ATP13A4: variants seen among roughly 807,000 people sequenced by gnomAD.
ATP13A4 encodes ATPase 13A4.
Under a neutral mutation model 142.5 loss-of-function variants are expected in ATP13A4, and 114 were observed. That is an observed-to-expected ratio of 0.80 (90% confidence interval 0.69 to 0.93). The LOEUF (loss-of-function observed/expected upper bound fraction) is 0.93, where lower values mean the gene tolerates loss of function less well. Among genes scored for constraint, ATP13A4 ranks in the 40% least tolerant of loss-of-function variants. The pLI, the probability that ATP13A4 is intolerant of heterozygous loss-of-function variation, is 0.00. For synonymous variants in ATP13A4, 488 were observed against 514.8 expected, an observed-to-expected ratio of 0.95 and a Z score of 0.70; for missense variants, 1,392 against 1,454.0, an observed-to-expected ratio of 0.96 and a Z score of 0.69.
chr3:193,483,282 G>T lies in ATP13A4; in HGVS notation c.808+654C>A, dbSNP rs183505970. 1.2e-3 allele frequency among the ~76,000 whole-genome samples: 175 copies of T among 152,100 alleles called. 1 individual carries two copies. Among genetic ancestry groups the T allele is most frequent in the African/African-American group, 3.8e-3 (159 of 41,502 alleles). On this transcript the variant is annotated intron_variant, in intron 8 of 29. Coordinates refer to ENST00000342695, the MANE Select transcript of ATP13A4 (RefSeq NM_032279.4). ...GGGGGAGTTGGGAGGAAGCGGGAGA[G>T]AAAAAAACTAGAAACAGGAACAAGG...
chr3:193,531,867 T>C (rs1722357660), intron 1 of ATP13A4, among the ~76,000 whole-genome samples: 1 of 151,998 alleles, frequency 6.6e-6, no homozygotes, highest in Admixed American at 6.6e-5. Flanking sequence ...AAAGCTGGAG[T>C]CTCCCACATA....
At chr3:193,404,720 G>A (rs1378403647) in intron 29 of ATP13A4, among the ~76,000 whole-genome samples, 2 of 151,922 alleles carry the variant, frequency 1.3e-5, no homozygotes, top group Non-Finnish European at 1.5e-5. Flanking sequence ...CATGCTTCTG[G>A]TACAGCCTGC....
intron 7 of ATP13A4, among the ~76,000 whole-genome samples, chr3:193,488,474 G>T (rs12629835): frequency 6.6e-6 from 1 of 152,004 alleles, no homozygotes; most frequent in African/African-American, 2.4e-5. Context: ...TCTTTTGTTC[G>T]GTTTGAATTT....
At chr3:193,570,398 G>A (rs951868716) in intron 2 of ATP13A4, among the ~76,000 whole-genome samples, 3 of 152,192 alleles carry the variant, frequency 2.0e-5, no homozygotes, top group African/African-American at 7.2e-5. Context: ...ATGATTTATA[G>A]GTTATTTCTT....
chr3:193,411,283 T>C (rs571132381), intron 27 of ATP13A4, among the ~76,000 whole-genome samples: 1 of 152,188 alleles, frequency 6.6e-6, no homozygotes, highest in African/African-American at 2.4e-5. Flanking sequence ...CACATGCACA[T>C]TTTAAGTTTC....
intron 8 of ATP13A4, among the ~76,000 whole-genome samples, chr3:193,474,252 G>C (rs1318845845): frequency 7.0e-6 from 1 of 143,132 alleles, no homozygotes; most frequent in African/African-American, 2.6e-5. Context: ...CCAGGAAGCA[G>C]AGGTTGCAGT....
chr3:193,488,416 C>A (rs1014353458), intron 7 of ATP13A4, among the ~76,000 whole-genome samples: 4 of 152,118 alleles, frequency 2.6e-5, no homozygotes, highest in African/African-American at 9.7e-5. Context: ...AGGACCTGAA[C>A]ACTGGGAAGT....
intron 2 of ATP13A4, among the ~76,000 whole-genome samples, chr3:193,504,624 C>A (rs1309822155): frequency 1.3e-5 from 2 of 152,158 alleles, no homozygotes; most frequent in African/African-American, 4.8e-5. Context: ...TCCCCTCTAA[C>A]CTTCCACTTT....
At chr3:193,582,068 T>C (rs1724557347) in intron 1 of ATP13A4, among the ~76,000 whole-genome samples, 1 of 149,018 alleles carries the variant, frequency 6.7e-6, no homozygotes, top group Non-Finnish European at 1.5e-5. Flanking sequence ...ATTACTAAAA[T>C]ACCTGAAAAG....
rs71179308 is a variant in ATP13A4 at position 193,541,248 on chromosome 3, C to CAAAAAAAAAAAAAAAAAAAAAAAAAA, written c.60+13491_60+13492insTTTTTTTTTTTTTTTTTTTTTTTTTT. 3.1e-4 allele frequency among the ~76,000 whole-genome samples: 16 copies of CAAAAAAAAAAAAAAAAAAAAAAAAAA among 51,284 alleles called. 1 individual carries two copies. The highest frequency in any genetic ancestry group is 6.2e-4 in the Admixed American group (3 of 4,834). The allele number at this position is 51,284 out of a possible 152,430, so 33.6% of individuals were successfully genotyped here. ...TGGGCGACAGAGCGAGACTCCTTCTCAAAAAAAAAAAAAAAAAAAAAATCA... is the reference window on the plus strand; with the variant it reads ...TGGGCGACAGAGCGAGACTCCTTCTCAAAAAAAAAAAAAAAAAAAAAAAAAAAAAAAAAAAAAAAAAAAAAAAATCA... On this transcript the variant is annotated intron_variant, in intron 1 of 29. Transcript: ENST00000342695.
chr3:193,419,752 C>T (rs1391881616), intron 25 of ATP13A4, among the ~76,000 whole-genome samples: 3 of 150,176 alleles, frequency 2.0e-5, no homozygotes, highest in African/African-American at 7.3e-5. Flanking sequence ...TCCCTGGTTC[C>T]CTAGAGCTTG....
chr3:193,483,140 A>C (rs936157359), intron 8 of ATP13A4, among the ~76,000 whole-genome samples: 2 of 152,216 alleles, frequency 1.3e-5, no homozygotes, highest in Non-Finnish European at 2.9e-5. Flanking sequence ...AAATTAACCA[A>C]AAATATATTA....
chr3:193,514,610 CT>C, intron 2 of ATP13A4, 87 bp downstream of exon 2: 1 of 1,537,722 alleles, frequency 6.5e-7, no homozygotes, highest in Non-Finnish European at 8.9e-7. Flanking sequence ...TGCTATCTGT[CT>C]TGTGCACATC....
intron 8 of ATP13A4, among the ~76,000 whole-genome samples, chr3:193,483,367 A>G (rs555090087): frequency 1.4e-4 from 22 of 152,350 alleles, no homozygotes; most frequent in Admixed American, 2.0e-4. Context: ...TCATGGGAAT[A>G]TACATATGCC....
chr3:193,444,438 A>C (rs2108625505), intron 18 of ATP13A4, among the ~76,000 whole-genome samples: 2 of 152,354 alleles, frequency 1.3e-5, no homozygotes. Context: ...AAACAACAAC[A>C]AAAGCTACAG....
At chr3:193,547,458 C>T (rs986495278) in intron 1 of ATP13A4, among the ~76,000 whole-genome samples, 10 of 152,136 alleles carry the variant, frequency 6.6e-5, no homozygotes, top group Non-Finnish European at 1.3e-4. Flanking sequence ...TGTGTGTATT[C>T]CCCCACCTGA....
At chr3:193,544,833 C>A (rs1723134885) in intron 1 of ATP13A4, among the ~76,000 whole-genome samples, 1 of 152,122 alleles carries the variant, frequency 6.6e-6, no homozygotes, top group African/African-American at 2.4e-5. Flanking sequence ...ACATCAAAAG[C>A]ATAAAGTACA....
Position 193,413,550 on chromosome 3 carries a change from C to T in ATP13A4, c.3014+1029G>A, listed in dbSNP as rs554007759. On this transcript the variant is annotated intron_variant, in intron 26 of 29. Transcript: ENST00000342695. ...AGGGAAGAGACCGTTGAATTCTTTT[C>T]CTAGCAAGGAATATTAATAGTTAAT... Among the ~76,000 whole-genome samples, 104 of 152,222 alleles carry T rather than the reference C, an allele frequency of 6.8e-4. 1 individual carries two copies. In the South Asian group the frequency reaches 0.017, roughly 24 times the overall value.
At chr3:193,410,311 G>T (rs1442405870) in intron 28 of ATP13A4, among the ~76,000 whole-genome samples, 1 of 151,730 alleles carries the variant, frequency 6.6e-6, no homozygotes, top group East Asian at 1.9e-4. Flanking sequence ...AAAGCTATAG[G>T]CAAAACAGTT....
Sources: gnomAD v4.1 joint callset for allele counts (sites outside exome capture counted in the v4.1 genomes callset) on GRCh38, gnomAD v4.1.1 for gene constraint, MANE v1.5 for transcripts, NCBI Gene and HGNC (gene_info 2026-07-23, HGNC 2026-07-21) for gene names.